Variants in KCNE5 observed in about 807,000 individuals in gnomAD.
KCNE5 encodes the protein potassium voltage-gated channel subfamily E regulatory subunit 5, also known as potassium voltage-gated channel subfamily E regulatory beta subunit 5.
For synonymous variants in KCNE5, 65 were observed against 62.3 expected (o/e 1.04, Z -0.20); for missense variants, 131 against 132.9 (o/e 0.99, Z 0.07).
Position 109,624,093 on chromosome X carries a change from C to T in KCNE5, c.*499G>A, listed in dbSNP as rs1464546068. The T allele has an allele frequency of 1.7e-5, 2 of 114,655 alleles. No homozygotes were observed. The highest frequency in any genetic ancestry group is 3.6e-5 in the Non-Finnish European group (2 of 55,108). The allele number at this position is 114,655 out of a possible 1,213,427, so 9.4% of individuals were successfully genotyped here. A position where few individuals can be genotyped will look rare whatever the true frequency, so the allele number is the denominator to read the frequency against. ...GAGGGAGGGAAAAGATGTCTGAGGT[C>T]TCTTCATTTCCTTTGTCTCTGTCCC... is the stretch of plus-strand genomic sequence containing the variant. On this transcript the variant is annotated 3_prime_UTR_variant, in exon 1 of 1. Transcript: ENST00000372101.
Position 109,624,352 on chromosome X carries a change from GC to G in KCNE5, c.*239del. 1 of 357,970 alleles carries G rather than the reference GC, an allele frequency of 2.8e-6. No individual in the cohort carries two copies. The highest frequency in any genetic ancestry group is 4.8e-6 in the Non-Finnish European group (1 of 210,263). 29.5% of individuals were successfully genotyped at this position (357,970 alleles called of 1,213,427 possible). Reference sequence around the variant, plus strand: ...GACAAGAGAGCAGAGGCAGTTTAGTGCAGTTGGATGTGCGGGGTAGGGGTGG... The same window carrying G: ...GACAAGAGAGCAGAGGCAGTTTAGTGAGTTGGATGTGCGGGGTAGGGGTGG... On this transcript the variant is annotated 3_prime_UTR_variant, in exon 1 of 1. Transcript: ENST00000372101.
At position 109,625,028 on chromosome X, in the gene KCNE5, G is replaced by C. The variant is rs1469183670; in HGVS notation, c.-8C>G. 6 of 1,186,134 alleles carry C rather than the reference G, an allele frequency of 5.1e-6. No homozygotes were observed. The highest frequency in any genetic ancestry group is 2.4e-5 in the Admixed American group (1 of 42,164). ...GCTCTCGCTGCAGTTCATGGCTTTC[G>C]GGGAGTGACACGGCGGCTCCAGGAC... On this transcript the variant is annotated 5_prime_UTR_variant, in exon 1 of 1. Transcript: ENST00000372101.
In KCNE5 at chrX:109,625,040, G is replaced by C. The variant is rs1475148787; in HGVS notation, c.-20C>G. 4.3e-6 allele frequency: 5 copies of C among 1,173,736 alleles called. No homozygotes were observed. The East Asian group carries it at 1.3e-4, about 30-fold the overall frequency. On this transcript the variant is annotated 5_prime_UTR_variant, in exon 1 of 1. Transcript: ENST00000372101. ...GTTCATGGCTTTCGGGGAGTGACAC[G>C]GCGGCTCCAGGACGCTGCTGACCTT...
At position 109,624,752 on chromosome X, in the gene KCNE5, G is replaced by A. The variant is rs1485053941; in HGVS notation, c.269C>T (p.Ala90Val). 5.0e-6 allele frequency: 6 copies of A among 1,211,181 alleles called. No homozygotes were observed. The highest frequency in any genetic ancestry group is 4.3e-5 in the Admixed American group (2 of 46,076). The change falls in exon 1 of 1, where the codon GCC (alanine) becomes GTC (valine). Residue 90 changes from alanine to valine, a missense_variant. Ala to Val is a moderately conservative substitution (Grantham distance 64). Transcript: ENST00000372101. ...AYTRSRKLVE[A>V]KDEPSQACAE... ...GCAAGCCTGGGACGGCTCGTCCTTG[G>A]CCTCGACGAGCTTACGGGAGCGGGT...
rs41313563 is a variant in KCNE5 at position 109,624,334 on chromosome X, G to A, written c.*258C>T. 2.5e-3 allele frequency: 834 copies of A among 339,508 alleles called. 10 individuals are homozygous for A. The highest frequency in any genetic ancestry group is 0.019 in the African/African-American group (700 of 36,249). 28.0% of individuals were successfully genotyped at this position (339,508 alleles called of 1,213,427 possible). ...CTGTCAGGGCTGTCTGAAGACAAGA[G>A]AGCAGAGGCAGTTTAGTGCAGTTGG... On this transcript the variant is annotated 3_prime_UTR_variant, in exon 1 of 1. Transcript: ENST00000372101.
At position 109,624,801 on chromosome X, in the gene KCNE5, C is replaced by G. The variant is rs1357247316; in HGVS notation, c.220G>C (p.Ala74Pro). The change falls in exon 1 of 1, where the codon GCC becomes CCC. Residue 74 changes from alanine to proline, a missense_variant. By Grantham distance (27) the Ala-to-Pro change is conservative. Transcript: ENST00000372101. ...LLIMIFYACL[A>P]GGLILAYTRS... ...GTGTAGGCCAGGATGAGGCCTCCGGCCAAGCAGGCGTAGAAGATCATGATG... is the reference window on the plus strand; with the variant it reads ...GTGTAGGCCAGGATGAGGCCTCCGGGCAAGCAGGCGTAGAAGATCATGATG... The G allele has an allele frequency of 8.2e-7, 1 of 1,212,242 alleles. No individual in the cohort carries two copies. Among genetic ancestry groups the G allele is most frequent in the South Asian group, 1.8e-5 (1 of 57,073 alleles).
chrX:109,625,093 G>A lies in KCNE5; in HGVS notation c.-73C>T. 1 of 1,102,317 alleles carries A rather than the reference G, an allele frequency of 9.1e-7. No individual in the cohort carries two copies. The highest frequency in any genetic ancestry group is 2.0e-5 in the South Asian group (1 of 51,044). The allele number at this position is 1,102,317 out of a possible 1,213,427, so 90.8% of individuals were successfully genotyped here. A position where few individuals can be genotyped will look rare whatever the true frequency, so the allele number is the denominator to read the frequency against. On this transcript the variant is annotated 5_prime_UTR_variant, in exon 1 of 1. Transcript: ENST00000372101. The stretch of plus-strand genomic sequence containing the variant: ...CCCCTGGGCGAGGGGAAGCGAGCTA[G>A]CGAGCGGGCCGGCCGGCGGGCAGGG...
rs1174286415 is a variant in KCNE5 at position 109,624,893 on chromosome X, G to C, written c.128C>G (p.Pro43Arg). The C allele has an allele frequency of 8.3e-7, 1 of 1,211,677 alleles. No homozygotes were observed. Residue 43 changes from proline (P) to arginine (R), a missense_variant, in exon 1 of 1, where the codon CCT becomes CGT. Pro to Arg is a moderately radical substitution (Grantham distance 103, BLOSUM62 -2). Transcript: ENST00000372101. ...PRPSMGMGVV[P>R]DPFVGREVTS... ...CACCTCGCGGCCCACGAAAGGGTCA[G>C]GCACGACCCCCATGCCCATGCTGGG...
rs1360764337 is a variant in KCNE5, at chrX:109,624,483, G to A, written c.*109C>T. On this transcript the variant is annotated 3_prime_UTR_variant, in exon 1 of 1. Coordinates refer to ENST00000372101, the MANE Select transcript of KCNE5 (RefSeq NM_012282.4). ...CTCCTGGCCTCTCACCATTATCTGG[G>A]CCTCAGATGAGGCGAACCCTGGAAG... The A allele has an allele frequency of 2.3e-5, 16 of 710,336 alleles. No individual in the cohort carries two copies. The highest frequency in any genetic ancestry group is 3.1e-5 in the Non-Finnish European group (16 of 515,265). 58.5% of individuals were successfully genotyped at this position (710,336 alleles called of 1,213,427 possible).
Position 109,625,068 on chromosome X carries a change from C to T in KCNE5, c.-48G>A, listed in dbSNP as rs1934272568. 2 of 1,144,915 alleles carry T rather than the reference C, an allele frequency of 1.7e-6. No homozygotes were observed. The highest frequency in any genetic ancestry group is 3.3e-5 in the East Asian group (1 of 30,735). The allele number at this position is 1,144,915 out of a possible 1,213,427, so 94.4% of individuals were successfully genotyped here. A position where few individuals can be genotyped will look rare whatever the true frequency, so the allele number is the denominator to read the frequency against. On this transcript the variant is annotated 5_prime_UTR_variant, in exon 1 of 1. Coordinates refer to ENST00000372101, the MANE Select transcript of KCNE5 (RefSeq NM_012282.4). ...GGCTCCAGGACGCTGCTGACCTTTC[C>T]CCCTGGGCGAGGGGAAGCGAGCTAG...
At position 109,623,867 on chromosome X, in the gene KCNE5, A is replaced by ATC. The variant is rs1934248487; in HGVS notation, c.*723_*724dup. On this transcript the variant is annotated 3_prime_UTR_variant, in exon 1 of 1. Transcript: ENST00000372101. ...TGGGGTGATACACCCAGTAATGGTAATCCTCAGCAGAAGATGGCATAGCTA... is the reference window on the plus strand; with the variant it reads ...TGGGGTGATACACCCAGTAATGGTAATCTCCTCAGCAGAAGATGGCATAGCTA... The ATC allele has an allele frequency of 8.9e-6, 1 of 111,767 alleles. No homozygotes were observed. Among genetic ancestry groups the ATC allele is most frequent in the African/African-American group, 3.3e-5 (1 of 30,653 alleles). The allele number at this position is 111,767 out of a possible 1,213,427, so 9.2% of individuals were successfully genotyped here.
rs1485960878 is a variant in KCNE5 at position 109,624,748 on chromosome X, C to G, written c.273G>C (p.Lys91Asn). ...YTRSRKLVEA[K>N]DEPSQACAEH... is the part of the protein sequence containing the mutation. The stretch of plus-strand genomic sequence containing the variant: ...CGGCGCAAGCCTGGGACGGCTCGTC[C>G]TTGGCCTCGACGAGCTTACGGGAGC... The change falls in exon 1 of 1, where the codon AAG (lysine) becomes AAC (asparagine). Residue 91 changes from lysine (K) to asparagine (N), a missense_variant. Lys to Asn is a moderately conservative substitution (Grantham distance 94). Transcript: ENST00000372101. The G allele has an allele frequency of 5.0e-6, 6 of 1,211,137 alleles. No individual in the cohort carries two copies. In the South Asian group the frequency reaches 5.3e-5, roughly 11 times the overall value.
Position 109,624,992 on chromosome X carries a change from C to G in KCNE5, c.29G>C (p.Arg10Pro). Reference sequence around the variant, plus strand: ...GAGCAACAGGCGGCTCAGAAGGGTTCGCAGCCGCTGGCTCTCGCTGCAGTT... The same window carrying G: ...GAGCAACAGGCGGCTCAGAAGGGTTGGCAGCCGCTGGCTCTCGCTGCAGTT... MNCSESQRL[R>P]TLLSRLLLEL... The change falls in exon 1 of 1, where the codon CGA becomes CCA. Residue 10 changes from arginine (R) to proline (P), a missense_variant. By Grantham distance (103) the Arg-to-Pro change is moderately radical. Transcript: ENST00000372101. 1 of 1,204,234 alleles carries G rather than the reference C, an allele frequency of 8.3e-7. No homozygotes were observed. The highest frequency in any genetic ancestry group is 1.1e-6 in the Non-Finnish European group (1 of 891,798).
At position 109,625,042 on chromosome X, in the gene KCNE5, C is replaced by T. The variant is rs1187144312; in HGVS notation, c.-22G>A. 4 of 1,174,983 alleles carry T rather than the reference C, an allele frequency of 3.4e-6. No homozygotes were observed. The highest frequency in any genetic ancestry group is 4.6e-6 in the Non-Finnish European group (4 of 876,873). On this transcript the variant is annotated 5_prime_UTR_variant, in exon 1 of 1. Transcript: ENST00000372101. ...TCATGGCTTTCGGGGAGTGACACGG[C>T]GGCTCCAGGACGCTGCTGACCTTTC...
chrX:109,624,819 T>G lies in KCNE5; in HGVS notation c.202A>C (p.Ile68Leu). 3.3e-6 allele frequency: 4 copies of G among 1,211,925 alleles called. No homozygotes were observed. Among genetic ancestry groups the G allele is most frequent in the Non-Finnish European group, 4.5e-6 (4 of 895,410 alleles). ...DAYLYILLIM[I>L]FYACLAGGLI... The stretch of plus-strand genomic sequence containing the variant: ...CCTCCGGCCAAGCAGGCGTAGAAGA[T>G]CATGATGAGCAGGATGTAGAGATAG... The change falls in exon 1 of 1, where the codon ATC (isoleucine) becomes CTC (leucine). Residue 68 changes from isoleucine (I) to leucine (L), a missense_variant. Ile to Leu is a conservative substitution (Grantham distance 5). Transcript: ENST00000372101.
In KCNE5 at chrX:109,624,663, G is replaced by A. The variant is rs372565167; in HGVS notation, c.358C>T (p.Gln120Ter). ...TADAEAAAGS[Q>*]AEGRRQLASE... ...GCAAGCTGGCGGCGGCCCTCGGCCT[G>A]GGAGCCCGCGGCAGCCTCGGCGTCG... The change falls in exon 1 of 1, where the codon CAG becomes TAG. Residue 120 changes from glutamine to a stop codon, truncating the protein, a stop_gained. Transcript: ENST00000372101. LOFTEE classifies it low-confidence loss of function (END_TRUNC). The A allele has an allele frequency of 6.0e-6, 7 of 1,165,231 alleles. No homozygotes were observed. In the East Asian group the frequency reaches 9.7e-5, roughly 16 times the overall value.
Position 109,624,575 on chromosome X carries a change from A to C in KCNE5, c.*17T>G. The C allele has an allele frequency of 1.8e-6, 2 of 1,091,091 alleles. No individual in the cohort carries two copies. Among genetic ancestry groups the C allele is most frequent in the Non-Finnish European group, 2.4e-6 (2 of 840,558 alleles). The allele number at this position is 1,091,091 out of a possible 1,213,427, so 89.9% of individuals were successfully genotyped here. A position where few individuals can be genotyped will look rare whatever the true frequency, so the allele number is the denominator to read the frequency against. ...CGAGATGAGGAGGGCGCGAACCAGC[A>C]ATCTGGGGCTGTGGTTTTAGACCCG... On this transcript the variant is annotated 3_prime_UTR_variant, in exon 1 of 1. Coordinates refer to ENST00000372101, the MANE Select transcript of KCNE5 (RefSeq NM_012282.4).
In KCNE5 at chrX:109,624,798, C is replaced by T. The variant is rs1415457258; in HGVS notation, c.223G>A (p.Gly75Arg). Residue 75 changes from glycine (G) to arginine (R), a missense_variant, in exon 1 of 1, where the codon GGA becomes AGA. Physicochemically the swap from Gly to Arg is moderately radical, Grantham distance 125. Coordinates refer to ENST00000372101, the MANE Select transcript of KCNE5 (RefSeq NM_012282.4). ...LIMIFYACLA[G>R]GLILAYTRSR... ...CGGGTGTAGGCCAGGATGAGGCCTC[C>T]GGCCAAGCAGGCGTAGAAGATCATG... 1.3e-5 allele frequency: 16 copies of T among 1,211,128 alleles called. No individual in the cohort carries two copies. The highest frequency in any genetic ancestry group is 1.8e-5 in the Non-Finnish European group (16 of 895,134).
chrX:109,624,414 T>C lies in KCNE5; in HGVS notation c.*178A>G, dbSNP rs899730716. On this transcript the variant is annotated 3_prime_UTR_variant, in exon 1 of 1. Transcript: ENST00000372101. ...GTGAAGAGGGAGAAACTGGCCCGAA[T>C]GGGTAAGGTGGTGCTTCTCCTTCCA... The C allele has an allele frequency of 5.0e-6, 2 of 403,580 alleles. No individual in the cohort carries two copies. The highest frequency in any genetic ancestry group is 5.4e-5 in the Admixed American group (1 of 18,510). 33.3% of individuals were successfully genotyped at this position (403,580 alleles called of 1,213,427 possible). A position where few individuals can be genotyped will look rare whatever the true frequency, so the allele number is the denominator to read the frequency against.
Sources: allele counts gnomAD v4.1 joint callset, GRCh38; gene constraint gnomAD v4.1.1; transcripts MANE v1.5; gene names NCBI Gene and HGNC (gene_info 2026-07-23, HGNC 2026-07-21).